TSPAN9: variants seen among roughly 807,000 people sequenced by gnomAD.
TSPAN9 encodes the protein tetraspanin-9.
A neutral mutation model predicts 31.0 loss-of-function variants in TSPAN9; 16 were observed. The ratio of observed to expected loss-of-function variants is 0.52; its 90% CI spans 0.35 to 0.78. TSPAN9 has a LOEUF of 0.78. TSPAN9 is among the 30% of genes least tolerant of loss of function. The pLI is 0.01. For missense variants in TSPAN9, 272 were observed against 312.5 expected, an observed-to-expected ratio of 0.87 and a Z score of 0.98; for synonymous variants, 145 against 121.6, an observed-to-expected ratio of 1.19 and a Z score of -1.27.
At chr12:3,277,377 C>T (rs1395658636) in intron 3 of TSPAN9, among the ~76,000 whole-genome samples, 8 of 152,204 alleles carry the variant, frequency 5.3e-5, no homozygotes, top group South Asian at 2.1e-4. Context: ...CTCCTCTGAG[C>T]GCCCGTAGCG....
intron 1 of TSPAN9, among the ~76,000 whole-genome samples, chr12:3,077,895 G>T (rs1476086326): frequency 6.6e-6 from 1 of 152,176 alleles, no homozygotes; most frequent in African/African-American, 2.4e-5. Context: ...ACCCGCGACC[G>T]CTCCCTGGGC....
intron 3 of TSPAN9, among the ~76,000 whole-genome samples, chr12:3,237,270 C>T (rs1482606612): frequency 1.3e-5 from 2 of 152,234 alleles, no homozygotes; most frequent in Non-Finnish European, 2.9e-5. Context: ...AAGCCCATCA[C>T]ACAGATATTC....
chr12:3,283,372 G>A lies in TSPAN9; in HGVS notation c.*256G>A. ...ATATGCGTATTTGCCAAAGACGACAGGGTGGGCTGGGGTGCGCTCCGGAGG... is the reference window on the plus strand; with the variant it reads ...ATATGCGTATTTGCCAAAGACGACAAGGTGGGCTGGGGTGCGCTCCGGAGG... On this transcript the variant is annotated 3_prime_UTR_variant, in exon 9 of 9. Transcript: ENST00000011898. 1 of 443,508 alleles carries A rather than the reference G, an allele frequency of 2.3e-6. No homozygotes were observed. The highest frequency in any genetic ancestry group is 4.1e-5 in the Admixed American group (1 of 24,440). The allele number at this position is 443,508 out of a possible 1,614,324, so 27.5% of individuals were successfully genotyped here.
intron 2 of TSPAN9, among the ~76,000 whole-genome samples, chr12:3,084,464 G>T (rs775868285): frequency 3.3e-5 from 5 of 151,872 alleles, no homozygotes; most frequent in African/African-American, 4.8e-5. Flanking sequence ...GCAGGGAGAG[G>T]GGGTGGAATG....
At chr12:3,089,542 T>G (rs138894658) in intron 2 of TSPAN9, among the ~76,000 whole-genome samples, 2,328 of 151,920 alleles carry the variant, frequency 0.015, 62 homozygotes, top group African/African-American at 0.051. Context: ...TGATCCGCCC[T>G]CCTTGGCCTC....
At chr12:3,130,990 G>A (rs992329470) in intron 2 of TSPAN9, among the ~76,000 whole-genome samples, 1 of 152,102 alleles carries the variant, frequency 6.6e-6, no homozygotes, top group Non-Finnish European at 1.5e-5. Flanking sequence ...AAGGTCGTTG[G>A]GGCCAGTGCC....
chr12:3,198,114 AC>A (rs1175659845), intron 2 of TSPAN9, among the ~76,000 whole-genome samples: 3 of 92,730 alleles, frequency 3.2e-5, no homozygotes, highest in African/African-American at 8.6e-5. Flanking sequence ...AGCACAGGCC[AC>A]CACCAGCACA....
intron 2 of TSPAN9, among the ~76,000 whole-genome samples, chr12:3,155,129 G>A (rs975004526): frequency 7.9e-5 from 12 of 152,112 alleles, no homozygotes; most frequent in Non-Finnish European, 1.0e-4. Context: ...AACGTGATGC[G>A]GACCAAATAA....
intron 2 of TSPAN9, among the ~76,000 whole-genome samples, chr12:3,120,450 C>G (rs949129198): frequency 6.6e-6 from 1 of 152,194 alleles, no homozygotes; most frequent in African/African-American, 2.4e-5. Flanking sequence ...CCTGCTCTCC[C>G]CACTCCTGTG....
chr12:3,158,312 C>T (rs1252051760), intron 2 of TSPAN9, among the ~76,000 whole-genome samples: 1 of 152,218 alleles, frequency 6.6e-6, no homozygotes, highest in African/African-American at 2.4e-5. Context: ...TTCCCCAGCA[C>T]CCCACAGGTC....
intron 3 of TSPAN9, among the ~76,000 whole-genome samples, chr12:3,241,615 T>TTC (rs1438886046): frequency 1.3e-5 from 2 of 152,212 alleles, no homozygotes; most frequent in Admixed American, 1.3e-4. Context: ...AACAAGCACT[T>TTC]TCCTTCTGGG....
chr12:3,212,780 C>T (rs1447145852), intron 3 of TSPAN9, among the ~76,000 whole-genome samples: 3 of 152,082 alleles, frequency 2.0e-5, no homozygotes, highest in South Asian at 4.2e-4. Flanking sequence ...CAAGGGGGGC[C>T]TAGTGTCTGT....
intron 2 of TSPAN9, among the ~76,000 whole-genome samples, chr12:3,185,399 G>A (rs924651792): frequency 3.9e-5 from 6 of 152,184 alleles, no homozygotes; most frequent in African/African-American, 1.2e-4. Context: ...TCATTTTGCT[G>A]TGGAAACTCA....
At chr12:3,199,836 A>G (rs1339716551) in intron 2 of TSPAN9, 2 of 152,328 alleles carry the variant, frequency 1.3e-5, no homozygotes, top group African/African-American at 2.4e-5. Context: ...TGTGCGCCCT[A>G]GCCAGACCCA....
chr12:3,085,646 C>T (rs1026905861), intron 2 of TSPAN9, among the ~76,000 whole-genome samples: 3 of 152,106 alleles, frequency 2.0e-5, no homozygotes, highest in African/African-American at 4.8e-5. Flanking sequence ...TTGGGCAAGT[C>T]GATTGGCTTC....
At chr12:3,209,694 T>C (rs1454123123) in intron 3 of TSPAN9, among the ~76,000 whole-genome samples, 3 of 149,728 alleles carry the variant, frequency 2.0e-5, no homozygotes. Context: ...GCGCGGTGGC[T>C]CACGCCTGTA....
chr12:3,268,160 A>ACTGCAGCCTGCCCTCCGTGCG (rs1565639161), intron 3 of TSPAN9, among the ~76,000 whole-genome samples: 10 of 130,090 alleles, frequency 7.7e-5, no homozygotes, highest in African/African-American at 2.9e-4. Context: ...CCCTCCGTGC[A>ACTGCAGCCTGCCCTCCGTGCG]TTCCTGCAGC....
At chr12:3,230,091 C>T (rs563364252) in intron 3 of TSPAN9, among the ~76,000 whole-genome samples, 1 of 152,298 alleles carries the variant, frequency 6.6e-6, no homozygotes, top group South Asian at 2.1e-4. Flanking sequence ...TGGGACTTCT[C>T]TCCACGAAGC....
chr12:3,138,908 C>T (rs888617712), intron 2 of TSPAN9, among the ~76,000 whole-genome samples: 3 of 152,178 alleles, frequency 2.0e-5, no homozygotes, highest in African/African-American at 7.2e-5. Context: ...CCCTGTTCTC[C>T]GCCCCTCAGC....
Sources: allele counts gnomAD v4.1 joint callset (sites outside exome capture counted in the v4.1 genomes callset), GRCh38; gene constraint gnomAD v4.1.1; transcripts MANE v1.5; gene names NCBI Gene and HGNC (gene_info 2026-07-23, HGNC 2026-07-21).